The following NGEF variants were observed in gnomAD, a reference collection of about 807,000 sequenced individuals.
NGEF encodes the protein ephexin-1.
Under a neutral mutation model 80.9 loss-of-function variants are expected in NGEF, and 31 were observed. That is an observed-to-expected ratio of 0.38 (90% CI 0.29 to 0.52). The LOEUF (loss-of-function observed/expected upper bound fraction) is 0.52. Among genes scored for constraint, NGEF ranks in the 20% least tolerant of loss-of-function variants. NGEF has a pLI of 0.84. For synonymous variants in NGEF, 371 were observed against 370.2 expected, an observed-to-expected ratio of 1.00 and a Z score of -0.03; for missense variants, 709 against 926.2, an observed-to-expected ratio of 0.77 and a Z score of 3.04.
chr2:232,948,791 G>A lies in NGEF; in HGVS notation c.383+21423C>T, dbSNP rs187451413. 2.0e-3 allele frequency among the ~76,000 whole-genome samples: 297 copies of A among 152,296 alleles called. 3 individuals are homozygous for A. Among genetic ancestry groups the A allele is most frequent in the Middle Eastern group, 0.014 (4 of 294 alleles). ...CCAGCACTTTGGGAGGCCGGGGCAG[G>A]CGGGTCACTTGAGGTCAGGAGTTTG... On this transcript the variant is annotated intron_variant, in intron 3 of 14. Transcript: ENST00000264051.
chr2:232,993,261 A>G (rs1417007933), intron 1 of NGEF, among the ~76,000 whole-genome samples: 2 of 128,794 alleles, frequency 1.6e-5, no homozygotes, highest in African/African-American at 6.6e-5. Context: ...CTTTGCCCAT[A>G]TATATGAATT....
intron 1 of NGEF, among the ~76,000 whole-genome samples, chr2:232,993,154 A>ATAT (rs1559238295): frequency 3.4e-5 from 2 of 59,512 alleles, no homozygotes; most frequent in African/African-American, 2.1e-4. Flanking sequence ...TATATGGGCA[A>ATAT]ATATATATAT....
intron 3 of NGEF, among the ~76,000 whole-genome samples, chr2:232,959,252 G>C (rs923752017): frequency 6.6e-6 from 1 of 151,232 alleles, no homozygotes; most frequent in Non-Finnish European, 1.5e-5. Flanking sequence ...GCATGGTGTT[G>C]TTTAACCTGT....
intron 3 of NGEF, among the ~76,000 whole-genome samples, chr2:232,957,524 T>C (rs181248205): frequency 2.9e-3 from 437 of 152,336 alleles, no homozygotes; most frequent in Non-Finnish European, 4.4e-3. Context: ...AGTTTTGCCA[T>C]GTTAGCCAGG....
rs1458831570 is a variant in NGEF at position 232,927,041 on chromosome 2, CACCT to C, written c.525_526+2del. ...AAAACCCGGTTACTGCGGAGACACC[CACCT>C]ATTTGTTCAATGAGGTTTCTCCAGG... On this transcript the variant is annotated splice_donor_variant and coding_sequence_variant, in exon 4 of 15. Coordinates refer to ENST00000264051, the MANE Select transcript of NGEF (RefSeq NM_019850.3). LOFTEE classifies it high-confidence loss of function. 1 of 1,613,986 alleles carries C rather than the reference CACCT, an allele frequency of 6.2e-7. No individual in the cohort carries two copies. Among genetic ancestry groups the C allele is most frequent in the Non-Finnish European group, 8.5e-7 (1 of 1,179,978 alleles).
At position 232,950,950 on chromosome 2, in the gene NGEF, T is replaced by C. The variant is rs142521166; in HGVS notation, c.383+19264A>G. 3.2e-3 allele frequency among the ~76,000 whole-genome samples: 481 copies of C among 152,368 alleles called. 5 individuals carry two copies. The highest frequency in any genetic ancestry group is 0.01 in the African/African-American group (419 of 41,594). ...ACCGCTCAGTAATTTATTTATTCAA[T>C]GCGTGGCTATTAAGCATCCAGTATC... On this transcript the variant is annotated intron_variant, in intron 3 of 14. Transcript: ENST00000264051.
At chr2:232,899,123 G>A (rs990347796) in intron 5 of NGEF, among the ~76,000 whole-genome samples, 1 of 151,726 alleles carries the variant, frequency 6.6e-6, no homozygotes, top group Non-Finnish European at 1.5e-5. Flanking sequence ...GTGAATGTGT[G>A]CATGTGTGTG....
intron 5 of NGEF, among the ~76,000 whole-genome samples, chr2:232,913,556 C>T (rs1692732801): frequency 6.6e-6 from 1 of 152,204 alleles, no homozygotes; most frequent in African/African-American, 2.4e-5. Flanking sequence ...TGATTACTGA[C>T]AGAACAGTGT....
At chr2:232,973,211 G>A (rs1240388437) in intron 2 of NGEF, among the ~76,000 whole-genome samples, 1 of 152,158 alleles carries the variant, frequency 6.6e-6, no homozygotes, top group East Asian at 1.9e-4. Flanking sequence ...AATATTGTGG[G>A]TTCCTCAAAG....
intron 3 of NGEF, among the ~76,000 whole-genome samples, chr2:232,952,710 G>A (rs1439318531): frequency 6.6e-6 from 1 of 152,110 alleles, no homozygotes; most frequent in East Asian, 1.9e-4. Context: ...ACTCACGCCT[G>A]TAATCCCAGC....
chr2:232,982,506 C>T (rs943266363), intron 1 of NGEF, among the ~76,000 whole-genome samples: 1 of 152,162 alleles, frequency 6.6e-6, no homozygotes, highest in Non-Finnish European at 1.5e-5. Context: ...GTAGGAAGCA[C>T]AGGTTTGTCT....
chr2:232,975,741 A>G (rs942685671), intron 1 of NGEF, among the ~76,000 whole-genome samples: 1 of 152,170 alleles, frequency 6.6e-6, no homozygotes, highest in African/African-American at 2.4e-5. Flanking sequence ...CTGGTGGGAC[A>G]GCGTGTTAGA....
chr2:232,992,679 T>C (rs951830502), intron 1 of NGEF, among the ~76,000 whole-genome samples: 1 of 151,826 alleles, frequency 6.6e-6, no homozygotes, highest in Non-Finnish European at 1.5e-5. Context: ...AACTCAATAA[T>C]AAAAAATAAC....
In NGEF at chr2:233,013,234, GA is replaced by G; in HGVS notation, c.-242del. On this transcript the variant is annotated 5_prime_UTR_variant, in exon 1 of 15. The change creates a premature stop within an existing upstream ORF in the 5' untranslated region. Transcript: ENST00000264051. ...CAGCCAAAAACTTCGTCCTGTCCTG[GA>G]AAAGCTTCACTGGTAAGCATTCCCG... 1 of 471,164 alleles carries G rather than the reference GA, an allele frequency of 2.1e-6. No individual in the cohort carries two copies. Among genetic ancestry groups the G allele is most frequent in the Non-Finnish European group, 4.4e-6 (1 of 227,064 alleles). 29.2% of individuals were successfully genotyped at this position (471,164 alleles called of 1,614,324 possible). A position where few individuals can be genotyped will look rare whatever the true frequency, so the allele number is the denominator to read the frequency against.
In NGEF at chr2:232,891,442, G is replaced by A. The variant is rs759935801; in HGVS notation, c.1188C>T (p.Leu396=). Reference sequence around the variant, plus strand: ...AGGGCAGCCCCCTGCACTTGGGGTCGAGCTCTAGCTGCGCGATCAGCTCCC... The same window carrying A: ...AGGGCAGCCCCCTGCACTTGGGGTCAAGCTCTAGCTGCGCGATCAGCTCCC... ...AFRELIAQLE[L]DPKCRGLPFS... is the part of the protein sequence containing the mutation. Residue 396 remains leucine (L), a synonymous_variant, in exon 8 of 15, where the codon CTC becomes CTT. Transcript: ENST00000264051. 4 of 1,613,382 alleles carry A rather than the reference G, an allele frequency of 2.5e-6. No individual in the cohort carries two copies. Among genetic ancestry groups the A allele is most frequent in the East Asian group, 2.2e-5 (1 of 44,888 alleles).
chr2:232,885,227 G>T, intron 10 of NGEF, 53 bp downstream of exon 10: 1 of 1,517,944 alleles, frequency 6.6e-7, no homozygotes. Context: ...CCTCTGGGGC[G>T]GGGCCAGGGG....
chr2:233,012,997 G>T (rs570915987), intron 1 of NGEF, 71 bp downstream of exon 1: 23 of 460,312 alleles, frequency 5.0e-5, no homozygotes, highest in Admixed American at 4.2e-4. Context: ...CTGTCCTAGC[G>T]GTAGCCTCTG....
intron 3 of NGEF, among the ~76,000 whole-genome samples, chr2:232,943,852 G>C (rs975004111): frequency 6.6e-6 from 1 of 151,954 alleles, no homozygotes; most frequent in Non-Finnish European, 1.5e-5. Context: ...CTAAAACTCA[G>C]AGGAAACAGA....
At chr2:232,998,570 C>T (rs933661678) in intron 1 of NGEF, among the ~76,000 whole-genome samples, 5 of 152,116 alleles carry the variant, frequency 3.3e-5, no homozygotes, top group African/African-American at 1.2e-4. Flanking sequence ...AGGGGGGCTA[C>T]AGTCCGCTCA....
Sources: gnomAD v4.1 joint callset for allele counts (sites outside exome capture counted in the v4.1 genomes callset) on GRCh38, gnomAD v4.1.1 for gene constraint, MANE v1.5 for transcripts, NCBI Gene and HGNC (gene_info 2026-07-23, HGNC 2026-07-21) for gene names.